Variants in KDM7A observed in about 807,000 individuals in gnomAD.
KDM7A encodes lysine demethylase 7A.
Under a neutral mutation model 114.8 loss-of-function variants are expected in KDM7A, and 28 were observed. The observed-to-expected ratio is 0.24, with a 90% CI of 0.18 to 0.33. The LOEUF is 0.33. KDM7A is among the 10% of genes least tolerant of loss of function. The pLI is 1.00. For missense variants in KDM7A, 942 were observed against 1,142.5 expected, an observed-to-expected ratio of 0.82 and a Z score of 2.53; for synonymous variants, 423 against 397.8, an observed-to-expected ratio of 1.06 and a Z score of -0.75.
At chr7:140,159,528 T>C (rs958512404) in intron 1 of KDM7A, among the ~76,000 whole-genome samples, 1 of 152,186 alleles carries the variant, frequency 6.6e-6, no homozygotes, top group Non-Finnish European at 1.5e-5. Flanking sequence ...ACAATCTATA[T>C]GACTTAGCAG....
intron 10 of KDM7A, among the ~76,000 whole-genome samples, chr7:140,111,664 T>C (rs191234667): frequency 1.0e-3 from 157 of 152,126 alleles, no homozygotes; most frequent in Admixed American, 3.1e-3. Context: ...ATCCCATCAA[T>C]AGGAAAGGGG....
intron 14 of KDM7A, 113 bp downstream of exon 14, chr7:140,098,763 GGAC>G: frequency 1.2e-6 from 1 of 844,110 alleles, no homozygotes; most frequent in Non-Finnish European, 1.9e-6. Flanking sequence ...ACAGTTTTAG[GGAC>G]ACAAAAGTTT....
chr7:140,118,963 C>T, intron 9 of KDM7A, 150 bp downstream of exon 9: 1 of 514,246 alleles, frequency 1.9e-6, no homozygotes, highest in Admixed American at 3.0e-5. Flanking sequence ...AAAAAGGTTG[C>T]TGGATGGGGG....
At chr7:140,172,569 C>T (rs1260015539) in intron 1 of KDM7A, among the ~76,000 whole-genome samples, 1 of 151,848 alleles carries the variant, frequency 6.6e-6, no homozygotes, top group Non-Finnish European at 1.5e-5. Context: ...AGGAGAATGG[C>T]GAGAACCCAG....
intron 11 of KDM7A, among the ~76,000 whole-genome samples, chr7:140,102,547 T>A (rs1818249163): frequency 6.6e-6 from 1 of 152,150 alleles, no homozygotes; most frequent in Admixed American, 6.6e-5. Flanking sequence ...TGCACCCAGC[T>A]AATGTTTTAG....
chr7:140,111,065 A>C, intron 11 of KDM7A, 30 bp downstream of exon 11: 1 of 1,201,580 alleles, frequency 8.3e-7, no homozygotes, highest in Non-Finnish European at 1.2e-6. Context: ...GATAATAATC[A>C]AGCATTTACA....
chr7:140,154,257 G>A (rs994791027), intron 1 of KDM7A, among the ~76,000 whole-genome samples: 23 of 151,856 alleles, frequency 1.5e-4, no homozygotes, highest in African/African-American at 5.1e-4. Flanking sequence ...AGGCTAAGGC[G>A]GGAGGACTTC....
At chr7:140,136,656 G>A (rs1337284724) in intron 2 of KDM7A, among the ~76,000 whole-genome samples, 1 of 152,176 alleles carries the variant, frequency 6.6e-6, no homozygotes, top group African/African-American at 2.4e-5. Context: ...TGGCTAAATG[G>A]TATCAATAAT....
Position 140,119,199 on chromosome 7 carries a change from CT to C in KDM7A, c.1159del (p.Arg387GlyfsTer2). 1.2e-6 allele frequency: 2 copies of C among 1,603,698 alleles called. No homozygotes were observed. Among genetic ancestry groups the C allele is most frequent in the Non-Finnish European group, 8.5e-7 (1 of 1,172,740 alleles). ...TTTGAAAAGATCTGGTGTTTTTAGC[CT>C]TTTCTCCATCTCATAACACCTAAAT... ...MQLRCYEMEK[R>X]LKTPDLFKFP... On this transcript the variant is annotated frameshift_variant, in exon 9 of 20. Coordinates refer to ENST00000397560, the MANE Select transcript of KDM7A (RefSeq NM_030647.2).
At chr7:140,114,256 G>T (rs1338805012) in intron 9 of KDM7A, among the ~76,000 whole-genome samples, 1 of 152,016 alleles carries the variant, frequency 6.6e-6, no homozygotes, top group African/African-American at 2.4e-5. Context: ...TCGGCTCACT[G>T]CAACCTCCCT....
intron 18 of KDM7A, among the ~76,000 whole-genome samples, chr7:140,093,746 A>AT (rs1382206033): frequency 1.3e-5 from 2 of 152,254 alleles, no homozygotes; most frequent in African/African-American, 4.8e-5. Context: ...AAAAGATATG[A>AT]TATTCATCTT....
At chr7:140,141,546 T>A (rs1241389023) in intron 1 of KDM7A, among the ~76,000 whole-genome samples, 1 of 152,134 alleles carries the variant, frequency 6.6e-6, no homozygotes, top group Non-Finnish European at 1.5e-5. Flanking sequence ...TCCTGGACAC[T>A]TTTTATATAG....
chr7:140,116,737 T>TC (rs143270498), intron 9 of KDM7A, among the ~76,000 whole-genome samples: 59 of 152,094 alleles, frequency 3.9e-4, no homozygotes, highest in African/African-American at 1.4e-3. Flanking sequence ...AAAAATGTCT[T>TC]GAGTTTTTTA....
intron 1 of KDM7A, among the ~76,000 whole-genome samples, chr7:140,173,939 G>A (rs924150152): frequency 1.9e-4 from 29 of 152,026 alleles, no homozygotes; most frequent in African/African-American, 6.3e-4. Flanking sequence ...CGAGGTGGGC[G>A]GATAACCTGA....
intron 1 of KDM7A, among the ~76,000 whole-genome samples, chr7:140,148,859 T>C (rs1794369666): frequency 6.6e-6 from 1 of 152,226 alleles, no homozygotes; most frequent in African/African-American, 2.4e-5. Flanking sequence ...AAATTGAATA[T>C]GGTATGTTTC....
chr7:140,128,642 CTTAG>C (rs540779323), intron 4 of KDM7A, among the ~76,000 whole-genome samples: 12 of 152,180 alleles, frequency 7.9e-5, no homozygotes, highest in Non-Finnish European at 1.3e-4. Context: ...AGTTACAATA[CTTAG>C]TTAGATTTCC....
chr7:140,156,843 G>A (rs1473652567), intron 1 of KDM7A, among the ~76,000 whole-genome samples: 1 of 152,146 alleles, frequency 6.6e-6, no homozygotes, highest in East Asian at 1.9e-4. Context: ...GGGGATCCGG[G>A]TGGGGCTCCC....
rs1818710356 is a variant in KDM7A at position 140,126,706 on chromosome 7, T to A, written c.819A>T (p.Gly273=). 1 of 1,613,592 alleles carries A rather than the reference T, an allele frequency of 6.2e-7. No homozygotes were observed. The highest frequency in any genetic ancestry group is 1.3e-5 in the African/African-American group (1 of 74,914). ...KPFVQKYCLM[G]VQDSYTDFHI... ...GGAAATCTGTATAGCTGTCTTGAAC[T>A]CCCATTAAGCAATATTTCTGAACAA... is the stretch of plus-strand genomic sequence containing the variant. The change falls in exon 6 of 20, where the codon GGA becomes GGT. Residue 273 remains glycine, a synonymous_variant. Coordinates refer to ENST00000397560, the MANE Select transcript of KDM7A (RefSeq NM_030647.2).
rs1287775350 is a variant in KDM7A at position 140,087,321 on chromosome 7, G to A, written c.*3773C>T. On this transcript the variant is annotated 3_prime_UTR_variant, in exon 20 of 20. Coordinates refer to ENST00000397560, the MANE Select transcript of KDM7A (RefSeq NM_030647.2). Reference sequence around the variant, plus strand: ...CATCTTTCAGTTAAATCATCTTAACGTACTTGAGGATACACATTCTCACTC... The same window carrying A: ...CATCTTTCAGTTAAATCATCTTAACATACTTGAGGATACACATTCTCACTC... 1 of 152,074 alleles carries A rather than the reference G, an allele frequency of 6.6e-6. No individual in the cohort carries two copies. The highest frequency in any genetic ancestry group is 1.5e-5 in the Non-Finnish European group (1 of 68,022). 9.4% of individuals were successfully genotyped at this position (152,074 alleles called of 1,614,324 possible).
Sources: allele counts gnomAD v4.1 joint callset (sites outside exome capture counted in the v4.1 genomes callset), GRCh38; gene constraint gnomAD v4.1.1; transcripts MANE v1.5; gene names NCBI Gene and HGNC (gene_info 2026-07-23, HGNC 2026-07-21).